SLC9A8: variants seen among roughly 807,000 people sequenced by gnomAD.
SLC9A8 encodes sodium/hydrogen exchanger 8.
A neutral mutation model predicts 66.6 loss-of-function variants in SLC9A8; 48 were observed. The ratio of observed to expected loss-of-function variants is 0.72; its 90% CI spans 0.57 to 0.92. The LOEUF (loss-of-function observed/expected upper bound fraction) is 0.92. Ranked by LOEUF, SLC9A8 falls within the 40% of genes least tolerant of loss-of-function variation. The pLI, the probability that SLC9A8 is intolerant of heterozygous loss-of-function variation, is 0.00. For missense variants in SLC9A8, 599 were observed against 747.3 expected (o/e 0.80, Z 2.31); for synonymous variants, 274 against 282.6 (o/e 0.97, Z 0.31).
chr20:49,880,368 C>A (rs1254414452), intron 12 of SLC9A8, among the ~76,000 whole-genome samples: 1 of 152,232 alleles, frequency 6.6e-6, no homozygotes, highest in Admixed American at 6.5e-5. Flanking sequence ...AAGCAGCTGG[C>A]AGGCTAAGCC....
At chr20:49,841,058 A>C (rs1183953446) in intron 4 of SLC9A8, among the ~76,000 whole-genome samples, 2 of 152,152 alleles carry the variant, frequency 1.3e-5, no homozygotes, top group Non-Finnish European at 2.9e-5. Flanking sequence ...TAATCCCAGA[A>C]TTTTGAGAGG....
intron 3 of SLC9A8, chr20:49,830,780 C>A: frequency 1.2e-6 from 1 of 861,298 alleles, no homozygotes; most frequent in South Asian, 1.3e-5. Flanking sequence ...TAGCCATGAT[C>A]ACTGAGGTGC....
Position 49,839,607 on chromosome 20 carries a change from T to C in SLC9A8, c.348+8T>C. 1 of 1,591,036 alleles carries C rather than the reference T, an allele frequency of 6.3e-7. No homozygotes were observed. The highest frequency in any genetic ancestry group is 8.6e-7 in the Non-Finnish European group (1 of 1,162,224). ...AAACTGGCGAATTGGAAGGTAGGTT[T>C]GCCCTTTGGTTGTTCTTAATTTTAG... On this transcript the variant is annotated splice_region_variant and intron_variant, in intron 4 of 15. Transcript: ENST00000361573.
At chr20:49,817,159 C>G (rs1027370451) in intron 2 of SLC9A8, among the ~76,000 whole-genome samples, 1 of 151,548 alleles carries the variant, frequency 6.6e-6, no homozygotes, top group Non-Finnish European at 1.5e-5. Context: ...ACTAAAAATA[C>G]AAAAAATTTT....
At chr20:49,828,935 ATG>A (rs1555829749) in intron 3 of SLC9A8, among the ~76,000 whole-genome samples, 1 of 145,800 alleles carries the variant, frequency 6.9e-6, no homozygotes, top group Non-Finnish European at 1.5e-5. Context: ...GTGTGTGTGT[ATG>A]TATGCATTTA....
At chr20:49,856,137 C>A (rs1052810113) in intron 8 of SLC9A8, among the ~76,000 whole-genome samples, 1 of 152,084 alleles carries the variant, frequency 6.6e-6, no homozygotes, top group African/African-American at 2.4e-5. Flanking sequence ...GTTTCTGAGC[C>A]CAGCTTGTCA....
In SLC9A8 at chr20:49,823,894, G is replaced by A. The variant is rs2086829099; in HGVS notation, c.289+753G>A. 2.0e-5 allele frequency among the ~76,000 whole-genome samples: 3 copies of A among 152,072 alleles called. No individual in the cohort carries two copies. The South Asian group carries it at 6.2e-4, about 31-fold the overall frequency. ...TACTAGTTTCTACTTGCCTACTGAT[G>A]GTATTTAATTTTTCCTGATCACTGC... On this transcript the variant is annotated intron_variant, in intron 3 of 15. Coordinates refer to ENST00000361573, the MANE Select transcript of SLC9A8 (RefSeq NM_015266.3).
At chr20:49,812,991 G>A (rs1173835192) in intron 1 of SLC9A8, 43 bp downstream of exon 1, 126 of 1,368,466 alleles carry the variant, frequency 9.2e-5, no homozygotes, top group Non-Finnish European at 1.2e-4. Context: ...GCGGGGCTGG[G>A]CCCCGGCGGG....
Position 49,884,073 on chromosome 20 carries a change from A to C in SLC9A8, c.1491+7A>C. Reference sequence around the variant, plus strand: ...CAGCAAGACTGAGAAGATGGTTAGTACCATGCGCCTGTGGGGGTGGGGCAG... The same window carrying C: ...CAGCAAGACTGAGAAGATGGTTAGTCCCATGCGCCTGTGGGGGTGGGGCAG... On this transcript the variant is annotated splice_region_variant and intron_variant, in intron 14 of 15. Coordinates refer to ENST00000361573, the MANE Select transcript of SLC9A8 (RefSeq NM_015266.3). The C allele has an allele frequency of 6.2e-7, 1 of 1,612,544 alleles. No individual in the cohort carries two copies. Among genetic ancestry groups the C allele is most frequent in the South Asian group, 1.1e-5 (1 of 91,054 alleles).
At chr20:49,877,130 A>G (rs1228502486) in intron 11 of SLC9A8, among the ~76,000 whole-genome samples, 1 of 149,492 alleles carries the variant, frequency 6.7e-6, no homozygotes, top group Non-Finnish European at 1.5e-5. Context: ...TCTACTGAAA[A>G]AAAAAAAAAA....
At chr20:49,826,694 C>T (rs1055054468) in intron 3 of SLC9A8, among the ~76,000 whole-genome samples, 6 of 152,196 alleles carry the variant, frequency 3.9e-5, no homozygotes, top group African/African-American at 1.4e-4. Context: ...TTTCAGGATA[C>T]TTTCCATACT....
At position 49,870,498 on chromosome 20, in the gene SLC9A8, G is replaced by A. The variant is rs144681880; in HGVS notation, c.959-4207G>A. The stretch of plus-strand genomic sequence containing the variant: ...GCCAGGGGTCTGAAGATAGATGTGC[G>A]GGAGTGTGGCATGCTCCAGGAAGAG... On this transcript the variant is annotated intron_variant, in intron 10 of 15. Transcript: ENST00000361573. Among the ~76,000 whole-genome samples the A allele has an allele frequency of 4.3e-3, 653 of 152,254 alleles. 3 individuals are homozygous for A. The highest frequency in any genetic ancestry group is 0.015 in the African/African-American group (621 of 41,536).
Position 49,888,913 on chromosome 20 carries a change from TC to T in SLC9A8, c.*980del, listed in dbSNP as rs1282320497. 2.0e-5 allele frequency: 3 copies of T among 152,484 alleles called. No individual in the cohort carries two copies. Among genetic ancestry groups the T allele is most frequent in the African/African-American group, 7.2e-5 (3 of 41,456 alleles). 9.4% of individuals were successfully genotyped at this position (152,484 alleles called of 1,614,324 possible). On this transcript the variant is annotated 3_prime_UTR_variant, in exon 16 of 16. Transcript: ENST00000361573. ...TCAGGGTTCCATCCTCTTTCCCCTC[TC>T]CCAGTTCCCTACCACGTTGGATCCC... is the stretch of plus-strand genomic sequence containing the variant.
rs2089800818 is a variant in SLC9A8 at position 49,884,324 on chromosome 20, A to ACACACACACG, written c.1491+267_1491+268insGCACACACAC. ...CACACACACACACACACACACACAC[A>ACACACACACG]CACACACACACACCCCCCGGTCATC... On this transcript the variant is annotated intron_variant, in intron 14 of 15. Transcript: ENST00000361573. Among the ~76,000 whole-genome samples the ACACACACACG allele has an allele frequency of 1.4e-5, 2 of 144,874 alleles. 1 individual carries two copies. The highest frequency in any genetic ancestry group is 3.0e-5 in the Non-Finnish European group (2 of 66,206).
chr20:49,875,427 A>G (rs768069698), intron 11 of SLC9A8, among the ~76,000 whole-genome samples: 18 of 152,228 alleles, frequency 1.2e-4, no homozygotes, highest in Non-Finnish European at 2.4e-4. Context: ...GGATATAGTT[A>G]TAGAATTTTC....
At position 49,888,195 on chromosome 20, in the gene SLC9A8, A is replaced by G. The variant is rs1477401650; in HGVS notation, c.*259A>G. ...CTCAGTGTGGCTCCTCAGCCCACAG[A>G]GGGGAGGGAGCATGGGGCCAGGTGC... On this transcript the variant is annotated 3_prime_UTR_variant, in exon 16 of 16. Transcript: ENST00000361573. The G allele has an allele frequency of 1.5e-5, 6 of 396,242 alleles. No individual in the cohort carries two copies. The highest frequency in any genetic ancestry group is 2.4e-5 in the Non-Finnish European group (5 of 212,684). The allele number at this position is 396,242 out of a possible 1,614,324, so 24.5% of individuals were successfully genotyped here.
chr20:49,865,691 T>G (rs1460321972), intron 10 of SLC9A8, among the ~76,000 whole-genome samples: 2 of 152,224 alleles, frequency 1.3e-5, no homozygotes, highest in Non-Finnish European at 2.9e-5. Flanking sequence ...CCAATCAGGC[T>G]TGGCTTAGTT....
rs184343568 is a variant in SLC9A8 at position 49,848,384 on chromosome 20, A to G, written c.433-1195A>G. On this transcript the variant is annotated intron_variant, in intron 5 of 15. Coordinates refer to ENST00000361573, the MANE Select transcript of SLC9A8 (RefSeq NM_015266.3). ...AGGAATTGAATGTCAGATGATAGGC[A>G]GCCAAGTCAAAATTGCAGCTTCTAG... Among the ~76,000 whole-genome samples the G allele has an allele frequency of 3.3e-3, 509 of 152,356 alleles. 1 individual carries two copies. Among genetic ancestry groups the G allele is most frequent in the Middle Eastern group, 0.024 (7 of 294 alleles).
chr20:49,870,666 G>A (rs1014491413), intron 10 of SLC9A8, among the ~76,000 whole-genome samples: 9 of 152,136 alleles, frequency 5.9e-5, no homozygotes, highest in Admixed American at 5.2e-4. Flanking sequence ...CACCATATAT[G>A]TGATAGGATC....
Sources: allele counts gnomAD v4.1 joint callset (sites outside exome capture counted in the v4.1 genomes callset), GRCh38; gene constraint gnomAD v4.1.1; transcripts MANE v1.5; gene names NCBI Gene and HGNC (gene_info 2026-07-23, HGNC 2026-07-21).